NOC2L: variants seen among roughly 807,000 people sequenced by gnomAD.
The protein encoded by NOC2L is nucleolar complex protein 2 homolog.
A neutral mutation model predicts 94.2 loss-of-function variants in NOC2L; 101 were observed. That is an observed-to-expected ratio of 1.07 (90% confidence interval 0.91 to 1.26). NOC2L has a LOEUF of 1.26. Among genes scored for constraint, NOC2L ranks in the 50% most tolerant of loss-of-function variants. The pLI is 0.00. For synonymous variants in NOC2L, 531 were observed against 413.4 expected, an observed-to-expected ratio of 1.28 and a Z score of -3.45; for missense variants, 1,076 against 980.1, an observed-to-expected ratio of 1.10 and a Z score of -1.31.
chr1:957,692 G>A (rs567980203), intron 2 of NOC2L: 24 of 182,016 alleles, frequency 1.3e-4, no homozygotes, highest in South Asian at 2.4e-4. Context: ...AAAACCGTTC[G>A]TGCCTCCTCT....
chr1:958,664 T>G (rs1247935866), intron 2 of NOC2L: 1 of 668,778 alleles, frequency 1.5e-6, no homozygotes, highest in Admixed American at 2.0e-5. Flanking sequence ...AGGCGGTGAT[T>G]TCACCCAAGA....
chr1:945,853 C>G (rs1373153388), intron 16 of NOC2L, among the ~76,000 whole-genome samples, 200 bp from the exon 17 acceptor site: 1 of 152,226 alleles, frequency 6.6e-6, no homozygotes, highest in Non-Finnish European at 1.5e-5. Flanking sequence ...TGCTTCTCCT[C>G]ACGGGCCCCT....
In NOC2L at chr1:945,103, A is replaced by G. The variant is rs144656266; in HGVS notation, c.2097T>C (p.Asp699=). Residue 699 remains aspartate, a synonymous_variant, in exon 18 of 19, where the codon GAT becomes GAC. Transcript: ENST00000327044. ...CCTCGCCCTCCTCCTCGTCCTCTTCATCGTCTTCCACCCCATGCCGAGTGC... is the reference window on the plus strand; with the variant it reads ...CCTCGCCCTCCTCCTCGTCCTCTTCGTCGTCTTCCACCCCATGCCGAGTGC... ...PLSTRHGVED[D]EEDEEEGEED... is the part of the protein sequence containing the mutation. 2,805 of 1,613,536 alleles carry G rather than the reference A, an allele frequency of 1.7e-3. 8 individuals carry two copies. The highest frequency in any genetic ancestry group is 5.1e-3 in the Admixed American group (305 of 59,916).
At chr1:953,731 T>G (rs1238336470) in intron 8 of NOC2L, 51 bp downstream of exon 8, 1 of 1,352,112 alleles carries the variant, frequency 7.4e-7, no homozygotes, top group Non-Finnish European at 1.1e-6. Flanking sequence ...GGGGTAGCCG[T>G]GTGGCCCCCC....
chr1:955,038 G>A (rs1159761288), intron 6 of NOC2L, among the ~76,000 whole-genome samples: 1 of 152,232 alleles, frequency 6.6e-6, no homozygotes, highest in Non-Finnish European at 1.5e-5. Flanking sequence ...CCAGGAGGCA[G>A]CTCTGCTCCC....
chr1:944,555 AAAAT>A lies in NOC2L; in HGVS notation c.*135_*138del, dbSNP rs1260752921. On this transcript the variant is annotated 3_prime_UTR_variant, in exon 19 of 19. Transcript: ENST00000327044. ...CGATACGTTTGGTCTTTCATGCTGA[AAAAT>A]AAATAATAAAGCCTGTCCCGTGTCT... 59 of 634,706 alleles carry A rather than the reference AAAAT, an allele frequency of 9.3e-5. No homozygotes were observed. Among genetic ancestry groups the A allele is most frequent in the South Asian group, 6.3e-4 (32 of 50,694 alleles). 39.3% of individuals were successfully genotyped at this position (634,706 alleles called of 1,614,324 possible). A position where few individuals can be genotyped will look rare whatever the true frequency, so the allele number is the denominator to read the frequency against.
At chr1:950,147 C>A (rs1642214175) in intron 12 of NOC2L, among the ~76,000 whole-genome samples, 1 of 152,192 alleles carries the variant, frequency 6.6e-6, no homozygotes, top group South Asian at 2.1e-4. Flanking sequence ...CACAGGTGCA[C>A]ACACGCACAG....
Position 953,885 on chromosome 1 carries a change from G to GAC in NOC2L, c.783_784dup (p.Ser262CysfsTer25). ...CAACACCGTCGTCTCCGACAGACAG[G>GAC]ACACCAGCTGGGGGCAGGAGGGGAC... On this transcript the variant is annotated frameshift_variant, in exon 8 of 19. Transcript: ENST00000327044. LOFTEE classifies it high-confidence loss of function. The GAC allele has an allele frequency of 5.0e-6, 8 of 1,613,184 alleles. No homozygotes were observed. The highest frequency in any genetic ancestry group is 6.8e-6 in the Non-Finnish European group (8 of 1,179,946).
chr1:945,568 AAG>A lies in NOC2L; in HGVS notation c.2001_2002del (p.Phe668Ter). 1.9e-6 allele frequency: 3 copies of A among 1,614,090 alleles called. No homozygotes were observed. Among genetic ancestry groups the A allele is most frequent in the Non-Finnish European group, 2.5e-6 (3 of 1,179,950 alleles). On this transcript the variant is annotated frameshift_variant, in exon 17 of 19. Coordinates refer to ENST00000327044, the MANE Select transcript of NOC2L (RefSeq NM_015658.4). LOFTEE classifies it high-confidence loss of function. Reference sequence around the variant, plus strand: ...GTCCTCTTCAGAGCTGTTCAGGTCAAAGAGGTCTTTAAATTGCTTCCTGTCCT... The same window carrying A: ...GTCCTCTTCAGAGCTGTTCAGGTCAAAGGTCTTTAAATTGCTTCCTGTCCT...
Position 954,061 on chromosome 1 carries a change from G to A in NOC2L, c.720C>T (p.Ser240=). Residue 240 remains serine (S), a synonymous_variant, in exon 7 of 19, where the codon AGC becomes AGT. Transcript: ENST00000327044. ...DSSRMLQPSS[S]PLWGKLRVDI... ...CCACACGAAGCTTCCCCCAGAGCGG[G>A]CTGCTGGACGGCTGCAGCATCCTGC... is the stretch of plus-strand genomic sequence containing the variant. 2 of 1,610,882 alleles carry A rather than the reference G, an allele frequency of 1.2e-6. No homozygotes were observed. Among genetic ancestry groups the A allele is most frequent in the Non-Finnish European group, 1.7e-6 (2 of 1,178,048 alleles).
chr1:955,814 G>A (rs900612349), intron 6 of NOC2L, 109 bp downstream of exon 6: 24 of 951,602 alleles, frequency 2.5e-5, no homozygotes, highest in Admixed American at 2.3e-4. Flanking sequence ...CCAAGAAGAC[G>A]CTGGCTCTGT....
rs765044159 is a variant in NOC2L, at chr1:944,775, C to T, written c.2169G>A (p.Gly723=). 5.0e-6 allele frequency: 8 copies of T among 1,597,244 alleles called. No homozygotes were observed. In the South Asian group the frequency reaches 7.7e-5, roughly 15 times the overall value. Residue 723 remains glycine, a synonymous_variant, in exon 19 of 19, where the codon GGG becomes GGA. Coordinates refer to ENST00000327044, the MANE Select transcript of NOC2L (RefSeq NM_015658.4). The stretch of plus-strand genomic sequence containing the variant: ...GCTGCTGCAGCTCCCCAGGGGCCAG[C>T]CCCGCCTCTGCGTCTGGGTCTCCAT... The part of the protein sequence containing the change: ...SEDGDPDAEA[G]LAPGELQQLA...
Position 945,060 on chromosome 1 carries a change from C to T in NOC2L, c.2140G>A (p.Glu714Lys). 1 of 1,614,058 alleles carries T rather than the reference C, an allele frequency of 6.2e-7. No homozygotes were observed. ...EEGEEDSSNS[E>K]DGDPDAEAGL... is the part of the protein sequence containing the mutation. ...CTCTCACCCCAAGACCATTCACCCT[C>T]CGAGTTGCTGCTGTCCTCCTCGCCC... The change falls in exon 18 of 19, where the codon GAG becomes AAG. Residue 714 changes from glutamate (E) to lysine (K), a missense_variant. Physicochemically the swap from Glu to Lys is moderately conservative, Grantham distance 56. Coordinates refer to ENST00000327044, the MANE Select transcript of NOC2L (RefSeq NM_015658.4).
At position 959,205 on chromosome 1, in the gene NOC2L, C is replaced by A. The variant is rs554926926; in HGVS notation, c.26+10G>T. The A allele has an allele frequency of 9.9e-6, 16 of 1,610,230 alleles. No homozygotes were observed. In the South Asian group the frequency reaches 1.5e-4, roughly 16 times the overall value. On this transcript the variant is annotated intron_variant, in intron 1 of 18. Transcript: ENST00000327044. ...GGGAGGCCAAATCGGCCCTCGGACC[C>A]GCGGCTTACCTCTTGCGGCTCCCCG...
chr1:950,146 A>G (rs907259523), intron 12 of NOC2L, among the ~76,000 whole-genome samples: 1 of 152,322 alleles, frequency 6.6e-6, no homozygotes, highest in East Asian at 1.9e-4. Context: ...ACACAGGTGC[A>G]CACACGCACA....
intron 5 of NOC2L, 40 bp downstream of exon 5, chr1:956,055 G>GC: frequency 1.2e-6 from 2 of 1,614,062 alleles, no homozygotes; most frequent in Non-Finnish European, 1.7e-6. Flanking sequence ...GACAGAGAAC[G>GC]CAACAGACAG....
At chr1:957,774 C>T (rs1642453449) in intron 2 of NOC2L, 2 of 162,276 alleles carry the variant, frequency 1.2e-5, no homozygotes, top group South Asian at 1.6e-4. Context: ...ACCTACAAGG[C>T]ACTCCACCGC....
intron 18 of NOC2L, 92 bp from the exon 19 acceptor site, chr1:944,892 A>AT: frequency 1.5e-6 from 2 of 1,347,922 alleles, no homozygotes; most frequent in East Asian, 2.3e-5. Context: ...CACGGCACTA[A>AT]TTAATTTATC....
In NOC2L at chr1:948,592, C is replaced by A; in HGVS notation, c.1455G>T (p.Gln485His). 2.0e-6 allele frequency: 3 copies of A among 1,534,136 alleles called. No homozygotes were observed. Among genetic ancestry groups the A allele is most frequent in the Non-Finnish European group, 2.6e-6 (3 of 1,138,240 alleles). ...VLPFILEMFQ[Q>H]VDFNRKPGRM... ...GCCCTGGCTTCCTGTTGAAGTCGAC[C>A]TGCTGGAACATCTGCCCCAAGGGCC... The change falls in exon 13 of 19, where the codon CAG (glutamine) becomes CAT (histidine). Residue 485 changes from glutamine (Q) to histidine (H), a missense_variant. Gln to His is a conservative substitution (Grantham distance 24, BLOSUM62 0). Coordinates refer to ENST00000327044, the MANE Select transcript of NOC2L (RefSeq NM_015658.4).
Sources: allele counts gnomAD v4.1 joint callset (sites outside exome capture counted in the v4.1 genomes callset), GRCh38; gene constraint gnomAD v4.1.1; transcripts MANE v1.5; gene names NCBI Gene and HGNC (gene_info 2026-07-23, HGNC 2026-07-21).